PLCB4: variants seen among roughly 807,000 people sequenced by gnomAD.
PLCB4 encodes 1-phosphatidylinositol 4,5-bisphosphate phosphodiesterase beta-4.
PLCB4 carries 77 observed loss-of-function variants against 178.8 expected under a neutral mutation model. The ratio of observed to expected loss-of-function variants is 0.43; its 90% CI spans 0.36 to 0.52. PLCB4 has a LOEUF of 0.52. PLCB4 is among the 20% of genes least tolerant of loss of function. The probability of loss-of-function intolerance (pLI) is 0.00; values close to 1 mark genes in which losing one functional copy is unlikely to be tolerated. For missense variants in PLCB4, 1,024 were observed against 1,453.4 expected, an observed-to-expected ratio of 0.70 and a Z score of 4.80; for synonymous variants, 496 against 490.8, an observed-to-expected ratio of 1.01 and a Z score of -0.14.
intron 15 of PLCB4, among the ~76,000 whole-genome samples, chr20:9,388,599 T>A (rs1046845486): frequency 2.6e-5 from 4 of 152,000 alleles, no homozygotes; most frequent in Non-Finnish European, 5.9e-5. Context: ...GCACCTGTAA[T>A]CCCAGCTGAG....
At position 9,133,675 on chromosome 20, in the gene PLCB4, G is replaced by A. The variant is rs150599274; in HGVS notation, c.-79+37333G>A. Among the ~76,000 whole-genome samples, 609 of 152,284 alleles carry A rather than the reference G, an allele frequency of 4.0e-3. 6 individuals carry two copies. The highest frequency in any genetic ancestry group is 0.012 in the African/African-American group (489 of 41,570). The stretch of plus-strand genomic sequence containing the variant: ...TTTGATGGAAAGAATGAATGTTTGC[G>A]TGAGACCACTACCGGAAAAGGGGCT... On this transcript the variant is annotated intron_variant, in intron 2 of 39. Coordinates refer to ENST00000378473, the MANE Select transcript of PLCB4 (RefSeq NM_001377142.1).
At chr20:9,370,594 A>G (rs1383721996) in intron 9 of PLCB4, among the ~76,000 whole-genome samples, 2 of 152,054 alleles carry the variant, frequency 1.3e-5, no homozygotes, top group East Asian at 1.9e-4. Context: ...ATCAGAATTT[A>G]TCATTGTTTT....
intron 2 of PLCB4, among the ~76,000 whole-genome samples, chr20:9,187,877 G>A (rs945028764): frequency 1.2e-4 from 18 of 152,138 alleles, no homozygotes; most frequent in Admixed American, 6.5e-5. Flanking sequence ...TTACATGAAG[G>A]CATTTTGCGT....
intron 3 of PLCB4, among the ~76,000 whole-genome samples, chr20:9,299,666 G>T (rs898152711): frequency 1.3e-5 from 2 of 151,740 alleles, no homozygotes; most frequent in Admixed American, 6.6e-5. Flanking sequence ...TTTTTAATGG[G>T]TACAGTATTT....
intron 2 of PLCB4, among the ~76,000 whole-genome samples, chr20:9,165,148 G>A (rs988593042): frequency 2.6e-5 from 4 of 152,130 alleles, no homozygotes; most frequent in East Asian, 1.9e-4. Context: ...GCACGTGCCC[G>A]CTATAGCAAC....
At chr20:9,429,278 T>C (rs2041235347) in intron 28 of PLCB4, among the ~76,000 whole-genome samples, 2 of 152,130 alleles carry the variant, frequency 1.3e-5, no homozygotes, top group Non-Finnish European at 2.9e-5. Flanking sequence ...CCCTGTTAGA[T>C]GTACAATGTG....
At chr20:9,445,759 T>C (rs899616906) in intron 32 of PLCB4, among the ~76,000 whole-genome samples, 1 of 152,238 alleles carries the variant, frequency 6.6e-6, no homozygotes, top group Admixed American at 6.5e-5. Context: ...GCTTCAATGT[T>C]GTTGGTTATT....
At chr20:9,231,577 G>A (rs2093933036) in intron 3 of PLCB4, among the ~76,000 whole-genome samples, 1 of 152,110 alleles carries the variant, frequency 6.6e-6, no homozygotes. Flanking sequence ...CTCGTTGTGG[G>A]ATAGTGCACC....
chr20:9,273,900 T>C (rs1226660817), intron 3 of PLCB4, among the ~76,000 whole-genome samples: 1 of 151,996 alleles, frequency 6.6e-6, no homozygotes, highest in Non-Finnish European at 1.5e-5. Context: ...GTGTAGACAA[T>C]GAAAGAAAGA....
At chr20:9,388,043 A>G (rs750129205) in intron 15 of PLCB4, among the ~76,000 whole-genome samples, 14 of 152,288 alleles carry the variant, frequency 9.2e-5, no homozygotes, top group Non-Finnish European at 1.8e-4. Context: ...GTTGGAGACC[A>G]GCCTGACCAA....
At chr20:9,441,962 C>G (rs1020626088) in intron 30 of PLCB4, among the ~76,000 whole-genome samples, 1 of 151,918 alleles carries the variant, frequency 6.6e-6, no homozygotes, top group African/African-American at 2.4e-5. Context: ...CACCCAGCTC[C>G]TAACTTCCAG....
At chr20:9,285,024 G>A (rs1399022311) in intron 3 of PLCB4, among the ~76,000 whole-genome samples, 2 of 151,728 alleles carry the variant, frequency 1.3e-5, no homozygotes, top group East Asian at 3.9e-4. Flanking sequence ...CTTTCAGCAT[G>A]ATAAAACATC....
At chr20:9,384,129 C>A in intron 13 of PLCB4, 72 bp from the exon 14 acceptor site, 1 of 1,153,928 alleles carries the variant, frequency 8.7e-7, no homozygotes, top group Non-Finnish European at 1.3e-6. Context: ...GCTGCCTCAG[C>A]TTCCATGAAT....
At chr20:9,090,476 C>T (rs1388053924) in intron 1 of PLCB4, among the ~76,000 whole-genome samples, 2 of 150,262 alleles carry the variant, frequency 1.3e-5, no homozygotes, top group South Asian at 2.1e-4. Flanking sequence ...GATAACTATC[C>T]CAAAATAAGT....
intron 2 of PLCB4, among the ~76,000 whole-genome samples, chr20:9,216,503 C>T (rs565738235): frequency 2.0e-5 from 3 of 151,784 alleles, no homozygotes; most frequent in Admixed American, 6.6e-5. Flanking sequence ...AGGCGTGAGC[C>T]ACTGCGCCCG....
At chr20:9,245,760 G>A (rs949699146) in intron 3 of PLCB4, among the ~76,000 whole-genome samples, 5 of 150,202 alleles carry the variant, frequency 3.3e-5, no homozygotes, top group African/African-American at 9.8e-5. Context: ...CCAGCCTCCC[G>A]AGTAGCTGGG....
chr20:9,456,557 G>A (rs2043069630), intron 33 of PLCB4, among the ~76,000 whole-genome samples: 2 of 152,318 alleles, frequency 1.3e-5, no homozygotes, highest in Admixed American at 6.5e-5. Context: ...TCAGATGAGA[G>A]TGTTGAATAA....
chr20:9,457,591 C>G, intron 34 of PLCB4, 102 bp downstream of exon 34: 1 of 723,926 alleles, frequency 1.4e-6, no homozygotes, highest in Non-Finnish European at 2.5e-6. Flanking sequence ...TAGCCCAGAG[C>G]TGGTCTAGTA....
chr20:9,377,042 T>C (rs2036735404), intron 12 of PLCB4, among the ~76,000 whole-genome samples: 1 of 152,204 alleles, frequency 6.6e-6, no homozygotes, highest in African/African-American at 2.4e-5. Flanking sequence ...TTTAGTCTTA[T>C]GAGTAAGCTT....
Sources: gnomAD v4.1 joint callset for allele counts (sites outside exome capture counted in the v4.1 genomes callset) on GRCh38, gnomAD v4.1.1 for gene constraint, MANE v1.5 for transcripts, NCBI Gene and HGNC (gene_info 2026-07-23, HGNC 2026-07-21) for gene names.